The following GIP variants were observed in gnomAD, a reference collection of about 807,000 sequenced individuals.
GIP encodes the protein gastric inhibitory polypeptide.
A neutral mutation model predicts 18.1 loss-of-function variants in GIP; 16 were observed. The ratio of observed to expected loss-of-function variants is 0.88; its 90% confidence interval spans 0.60 to 1.34. The LOEUF is 1.34. Among genes scored for constraint, GIP ranks in the 40% most tolerant of loss-of-function variants. The probability of loss-of-function intolerance (pLI) is 0.00; values close to 1 mark genes in which losing one functional copy is unlikely to be tolerated. For missense variants in GIP, 192 were observed against 183.4 expected, an observed-to-expected ratio of 1.05 and a Z score of -0.27; for synonymous variants, 76 against 74.0, an observed-to-expected ratio of 1.03 and a Z score of -0.14.
rs370206790 is a variant in GIP at position 48,964,471 on chromosome 17, G to C, written c.96C>G (p.Pro32=). 10 of 1,613,790 alleles carry C rather than the reference G, an allele frequency of 6.2e-6. No homozygotes were observed. Among genetic ancestry groups the C allele is most frequent in the Non-Finnish European group, 7.6e-6 (9 of 1,179,860 alleles). The part of the protein sequence containing the change: ...EKKEGHFSAL[P]SLPVGSHAKV... ...TAGCATGAGATCCAACAGGCAGGGA[G>C]GGGAGAGCGCTGGAAACAAGGGTGC... Residue 32 remains proline, a synonymous_variant, in exon 3 of 6, where the codon CCC becomes CCG. Coordinates refer to ENST00000357424, the MANE Select transcript of GIP (RefSeq NM_004123.3).
At chr17:48,968,166 C>T (rs757075484) in intron 1 of GIP, among the ~76,000 whole-genome samples, 5 of 152,092 alleles carry the variant, frequency 3.3e-5, no homozygotes, top group Non-Finnish European at 7.4e-5. Flanking sequence ...AATCGTGGCT[C>T]ACTGCAGCCT....
At chr17:48,965,000 A>G (rs1353228032) in intron 2 of GIP, among the ~76,000 whole-genome samples, 19 of 151,366 alleles carry the variant, frequency 1.3e-4, no homozygotes, top group African/African-American at 4.1e-4. Context: ...TTAGCCAGGC[A>G]TGGTGGTGGG....
chr17:48,964,872 G>A (rs2041226402), intron 2 of GIP, among the ~76,000 whole-genome samples: 1 of 152,124 alleles, frequency 6.6e-6, no homozygotes, highest in Non-Finnish European at 1.5e-5. Context: ...GGGCGTGGTG[G>A]CTTACGCCTG....
rs146632699 is a variant in GIP, at chr17:48,964,417, G to C, written c.150C>G (p.Pro50=). ...TGATGAAAGTCCCTTCCGCGTACCT[G>C]GGGCCTCGAGGTTGAGGGCTGCTCA... ...AKVSSPQPRG[P]RYAEGTFISD... The change falls in exon 3 of 6, where the codon CCC becomes CCG. Residue 50 remains proline, a synonymous_variant. Transcript: ENST00000357424. 6.4e-5 allele frequency: 103 copies of C among 1,613,658 alleles called. No homozygotes were observed. Among genetic ancestry groups the C allele is most frequent in the Non-Finnish European group, 8.4e-5 (99 of 1,179,714 alleles).
At position 48,961,729 on chromosome 17, in the gene GIP, C is replaced by T. The variant is rs369024111; in HGVS notation, c.348G>A (p.Gln116=). ...NRKEEEAVEP[Q]SSPAKNPSDE... ...CTTCCCTCTGCGCCCTGACTCACCT[C>T]TGTGGCTCCACTGCCTCCTCCTCCT... The change falls in exon 4 of 6, where the codon CAG becomes CAA. Residue 116 remains glutamine, a splice_region_variant and synonymous_variant. Coordinates refer to ENST00000357424, the MANE Select transcript of GIP (RefSeq NM_004123.3). 29 of 1,605,846 alleles carry T rather than the reference C, an allele frequency of 1.8e-5. No individual in the cohort carries two copies. Among genetic ancestry groups the T allele is most frequent in the Non-Finnish European group, 2.4e-5 (28 of 1,174,440 alleles).
In GIP at chr17:48,962,818, G is replaced by T. The variant is rs113561629; in HGVS notation, c.258-999C>A. 4.1e-3 allele frequency among the ~76,000 whole-genome samples: 626 copies of T among 151,382 alleles called. 8 individuals are homozygous for T. Among genetic ancestry groups the T allele is most frequent in the African/African-American group, 0.015 (606 of 41,386 alleles). ...CTGACTCCTCCCCTTTGAAGTAAAG[G>T]ATTAGGGCCAACACAGTGGCTCACA... On this transcript the variant is annotated intron_variant, in intron 3 of 5. Coordinates refer to ENST00000357424, the MANE Select transcript of GIP (RefSeq NM_004123.3).
At chr17:48,959,199 G>A (rs1219624592) in intron 5 of GIP, among the ~76,000 whole-genome samples, 2 of 152,114 alleles carry the variant, frequency 1.3e-5, no homozygotes, top group South Asian at 4.2e-4. Flanking sequence ...TGGTGCCCAA[G>A]CTGGAGTGCA....
chr17:48,960,983 G>A lies in GIP; in HGVS notation c.355C>T (p.Pro119Ser). 1 of 1,603,136 alleles carries A rather than the reference G, an allele frequency of 6.2e-7. No homozygotes were observed. Among genetic ancestry groups the A allele is most frequent in the East Asian group, 2.2e-5 (1 of 44,740 alleles). Reference protein sequence around the residue: ...EEEAVEPQSSPAKNPSDEDLL... With the variant: ...EEEAVEPQSSSAKNPSDEDLL... ...TCTTCATCGCTGGGGTTCTTGGCTG[G>A]GGAGCTGCAAGGGAACAGTCTCTGG... The change falls in exon 5 of 6, where the codon CCA (proline) becomes TCA (serine). Residue 119 changes from proline to serine, a missense_variant. Pro to Ser is a moderately conservative substitution (Grantham distance 74). Transcript: ENST00000357424.
intron 2 of GIP, among the ~76,000 whole-genome samples, chr17:48,966,558 C>A (rs2041237016): frequency 6.6e-6 from 1 of 150,780 alleles, no homozygotes; most frequent in Non-Finnish European, 1.5e-5. Flanking sequence ...CTCCATCCCC[C>A]CCCAAAAAAA....
rs527908715 is a variant in GIP, at chr17:48,964,115, G to T, written c.257+195C>A. Among the ~76,000 whole-genome samples, 3 of 145,060 alleles carry T rather than the reference G, an allele frequency of 2.1e-5. No individual in the cohort carries two copies. In the East Asian group the frequency reaches 6.0e-4, roughly 29 times the overall value. On this transcript the variant is annotated intron_variant, in intron 3 of 5. Coordinates refer to ENST00000357424, the MANE Select transcript of GIP (RefSeq NM_004123.3). ...GCGGAGCTTGCAGTGAGCCGAGATC[G>T]CGCCACTGCACTCCAGCCTGGGCGA...
In GIP at chr17:48,965,138, C is replaced by CAAAAAAAAAAAAAAAAA. The variant is rs33956589; in HGVS notation, c.87-659_87-658insTTTTTTTTTTTTTTTTT. Among the ~76,000 whole-genome samples, 106 of 109,598 alleles carry CAAAAAAAAAAAAAAAAA rather than the reference C, an allele frequency of 9.7e-4. 33 individuals carry two copies. Among genetic ancestry groups the CAAAAAAAAAAAAAAAAA allele is most frequent in the African/African-American group, 3.4e-3 (72 of 21,126 alleles). 71.9% of individuals were successfully genotyped at this position (109,598 alleles called of 152,430 possible). On this transcript the variant is annotated intron_variant, in intron 2 of 5. Transcript: ENST00000357424. ...TGGGAGACAGAGCGAGACTCCGTCT[C>CAAAAAAAAAAAAAAAAA]AAAAAAAAAAAAATTAGCCAGGCGT...
At chr17:48,967,089 GAACCTGTCA>G (rs1157032479) in intron 2 of GIP, 49 bp downstream of exon 2, 2 of 1,286,840 alleles carry the variant, frequency 1.6e-6, no homozygotes, top group African/African-American at 2.9e-5. Context: ...AACAAATCCA[GAACCTGTCA>G]TCCCCTAACC....
chr17:48,963,439 G>A (rs986633025), intron 3 of GIP, among the ~76,000 whole-genome samples: 5 of 151,454 alleles, frequency 3.3e-5, no homozygotes, highest in African/African-American at 9.7e-5. Flanking sequence ...GGCGGATCAC[G>A]AGGTCAGGAG....
chr17:48,964,583 G>T, intron 2 of GIP, 103 bp from the exon 3 acceptor site: 1 of 1,024,898 alleles, frequency 9.8e-7, no homozygotes, highest in African/African-American at 1.6e-5. Flanking sequence ...AAACAAACCA[G>T]TCCGTTTTTA....
intron 3 of GIP, among the ~76,000 whole-genome samples, chr17:48,962,123 G>A (rs751961817): frequency 1.3e-5 from 2 of 152,198 alleles, no homozygotes; most frequent in Non-Finnish European, 2.9e-5. Flanking sequence ...AGGCTGGAGT[G>A]CAGGGGCACC....
At chr17:48,964,653 G>A (rs1175225288) in intron 2 of GIP, among the ~76,000 whole-genome samples, 173 bp from the exon 3 acceptor site, 1 of 152,064 alleles carries the variant, frequency 6.6e-6, no homozygotes, top group East Asian at 1.9e-4. Flanking sequence ...TCAGCTCCAG[G>A]GCCCACTTCC....
At chr17:48,962,733 G>A (rs966018132) in intron 3 of GIP, among the ~76,000 whole-genome samples, 1 of 152,082 alleles carries the variant, frequency 6.6e-6, no homozygotes. Context: ...GAAGGAGCTC[G>A]TCTCTCCCTT....
chr17:48,962,397 T>C (rs1396922204), intron 3 of GIP, among the ~76,000 whole-genome samples: 1 of 147,894 alleles, frequency 6.8e-6, no homozygotes, highest in African/African-American at 2.5e-5. Context: ...TGAGACGGAG[T>C]CTCGCTCTGT....
At position 48,967,143 on chromosome 17, in the gene GIP, C is replaced by T. The variant is rs2041239535; in HGVS notation, c.86+4G>A. ...CCCCATCCCTTTCCTCTCACCACTCCTACCTGAAGTGACCCTCTTTCTTCT... is the reference window on the plus strand; with the variant it reads ...CCCCATCCCTTTCCTCTCACCACTCTTACCTGAAGTGACCCTCTTTCTTCT... On this transcript the variant is annotated splice_donor_region_variant and intron_variant, in intron 2 of 5. Transcript: ENST00000357424. 6.2e-7 allele frequency: 1 copy of T among 1,606,714 alleles called. No individual in the cohort carries two copies. The highest frequency in any genetic ancestry group is 8.5e-7 in the Non-Finnish European group (1 of 1,173,346).
Sources: allele counts gnomAD v4.1 joint callset (sites outside exome capture counted in the v4.1 genomes callset), GRCh38; gene constraint gnomAD v4.1.1; transcripts MANE v1.5; gene names NCBI Gene and HGNC (gene_info 2026-07-23, HGNC 2026-07-21).